Variants in IGSF8 observed in about 807,000 individuals in gnomAD.
IGSF8 encodes immunoglobulin superfamily member 8, also known as CD81 partner 3.
Under a neutral mutation model 55.5 loss-of-function variants are expected in IGSF8, and 46 were observed. That is an observed-to-expected ratio of 0.83 (90% CI 0.65 to 1.06). IGSF8 has a LOEUF of 1.06. IGSF8 is among the 50% of genes least tolerant of loss of function. IGSF8 has a pLI of 0.00. For synonymous variants in IGSF8, 314 were observed against 356.1 expected (o/e 0.88, Z 1.33); for missense variants, 731 against 832.3 (o/e 0.88, Z 1.50).
Position 160,092,463 on chromosome 1 carries a change from G to T in IGSF8, c.1545C>A (p.Gly515=), listed in dbSNP as rs999799896. ...GCCCCACCAGCTCTACGCTGACAGG[G>T]CCTCCTCCAGGCCGGACTCCCAGCT... ...VAELGVRPGG[G]PVSVELVGPR... Residue 515 remains glycine, a synonymous_variant, in exon 5 of 7, where the codon GGC becomes GGA. Coordinates refer to ENST00000314485, the MANE Select transcript of IGSF8 (RefSeq NM_052868.6). The T allele has an allele frequency of 4.3e-6, 7 of 1,613,028 alleles. No individual in the cohort carries two copies. Among genetic ancestry groups the T allele is most frequent in the African/African-American group, 1.3e-5 (1 of 74,932 alleles).
Position 160,095,311 on chromosome 1 carries a change from A to AAGC in IGSF8, c.65-68_65-66dup, listed in dbSNP as rs1650356908. Reference sequence around the variant, plus strand: ...CTCATTCCATGCCCTCTGCCGCCACAAGCACCATTCTTGATCTCTGCCTAC... The same window carrying AAGC: ...CTCATTCCATGCCCTCTGCCGCCACAAGCAGCACCATTCTTGATCTCTGCCTAC... On this transcript the variant is annotated intron_variant, in intron 1 of 6. Coordinates refer to ENST00000314485, the MANE Select transcript of IGSF8 (RefSeq NM_052868.6). The AAGC allele has an allele frequency of 2.4e-5, 35 of 1,478,788 alleles. No homozygotes were observed. In the South Asian group the frequency reaches 4.5e-4, roughly 19 times the overall value. 91.6% of individuals were successfully genotyped at this position (1,478,788 alleles called of 1,614,324 possible).
chr1:160,094,238 T>G lies in IGSF8; in HGVS notation c.443-67A>C. ...AGCCCTTGTTACTGTTTCCTGTGTA[T>G]AGCCTATCTCCCTAAATAAACTGTG... On this transcript the variant is annotated intron_variant, in intron 2 of 6. Coordinates refer to ENST00000314485, the MANE Select transcript of IGSF8 (RefSeq NM_052868.6). The surrounding 1 kb of genome is among the most constrained non-coding windows in gnomAD (Gnocchi z 4.0). 2.0e-6 allele frequency: 2 copies of G among 981,230 alleles called. No homozygotes were observed. The highest frequency in any genetic ancestry group is 3.0e-6 in the Non-Finnish European group (2 of 666,832). 60.8% of individuals were successfully genotyped at this position (981,230 alleles called of 1,614,324 possible). A position where few individuals can be genotyped will look rare whatever the true frequency, so the allele number is the denominator to read the frequency against.
At position 160,093,967 on chromosome 1, in the gene IGSF8, A is replaced by G. The variant is rs754965081; in HGVS notation, c.647T>C (p.Leu216Pro). The G allele has an allele frequency of 3.7e-6, 6 of 1,614,148 alleles. No individual in the cohort carries two copies. Among genetic ancestry groups the G allele is most frequent in the Non-Finnish European group, 5.1e-6 (6 of 1,180,052 alleles). Reference sequence around the variant, plus strand: ...TGACCGGATTCCCACCACTTCCTGCAGAGTTGACCGCCCAACTGGTGCCTC... The same window carrying G: ...TGACCGGATTCCCACCACTTCCTGCGGAGTTGACCGCCCAACTGGTGCCTC... ...VPEAPVGRSTLQEVVGIRSDL... is the reference protein window; with the variant it reads ...VPEAPVGRSTPQEVVGIRSDL... Residue 216 changes from leucine (L) to proline (P), a missense_variant, in exon 3 of 7, where the codon CTG becomes CCG. Transcript: ENST00000314485.
chr1:160,098,372 C>T lies in IGSF8; in HGVS notation c.64+37G>A, dbSNP rs200735683. ...GGGTGCTGGATGGCAGGCACCTGCC[C>T]GGCAGGGCCGGGAACCGGAACGGGG... On this transcript the variant is annotated intron_variant, in intron 1 of 6. Coordinates refer to ENST00000314485, the MANE Select transcript of IGSF8 (RefSeq NM_052868.6). 3.2e-4 allele frequency: 503 copies of T among 1,552,042 alleles called. No homozygotes were observed. In the African/African-American group the frequency reaches 5.8e-3, roughly 18 times the overall value.
chr1:160,092,223 G>A (rs1650011059), intron 5 of IGSF8, 59 bp downstream of exon 5: 25 of 1,523,414 alleles, frequency 1.6e-5, no homozygotes, highest in Non-Finnish European at 2.3e-5. Flanking sequence ...GGAAGGGAAG[G>A]CCAGTGGCAG....
At chr1:160,092,004 C>T (rs758807899) in intron 5 of IGSF8, 66 bp from the exon 6 acceptor site, 54 of 1,149,894 alleles carry the variant, frequency 4.7e-5, no homozygotes, top group Middle Eastern at 4.1e-4. Flanking sequence ...CTTGCCTCTG[C>T]GCTTTCCCCA....
Position 160,098,534 on chromosome 1 carries a change from G to C in IGSF8, c.-62C>G. 8.1e-7 allele frequency: 1 copy of C among 1,230,328 alleles called. No homozygotes were observed. Among genetic ancestry groups the C allele is most frequent in the Non-Finnish European group, 1.1e-6 (1 of 887,200 alleles). 76.2% of individuals were successfully genotyped at this position (1,230,328 alleles called of 1,614,324 possible). ...GCGCGGGTTCTGGGGGGCCGGAAGGGTGGGGGGCGCATGCCCAGGTTGAGG... is the reference window on the plus strand; with the variant it reads ...GCGCGGGTTCTGGGGGGCCGGAAGGCTGGGGGGCGCATGCCCAGGTTGAGG... On this transcript the variant is annotated 5_prime_UTR_variant, in exon 1 of 7. Coordinates refer to ENST00000314485, the MANE Select transcript of IGSF8 (RefSeq NM_052868.6).
chr1:160,099,377 G>A (rs771575306), upstream of IGSF8, among the ~76,000 whole-genome samples: 5 of 152,222 alleles, frequency 3.3e-5, no homozygotes, highest in Non-Finnish European at 5.9e-5. Flanking sequence ...GAATGCGAAG[G>A]GTTTGAGCTG....
At position 160,093,863 on chromosome 1, in the gene IGSF8, C is replaced by T. The variant is rs373796213; in HGVS notation, c.751G>A (p.Asp251Asn). The T allele has an allele frequency of 2.6e-5, 42 of 1,614,090 alleles. No homozygotes were observed. Among genetic ancestry groups the T allele is most frequent in the Middle Eastern group, 3.3e-4 (2 of 6,084 alleles). ...CCCCCTACTACCATGCGGTACCGAT[C>T]GGTCCCTTCCTTGCCCAGACGAAGC... ...GELRLGKEGTDRYRMVVGGAQ... is the reference protein window; with the variant it reads ...GELRLGKEGTNRYRMVVGGAQ... The change falls in exon 3 of 7, where the codon GAT becomes AAT. Residue 251 changes from aspartate to asparagine, a missense_variant. Physicochemically the swap from Asp to Asn is conservative, Grantham distance 23. Coordinates refer to ENST00000314485, the MANE Select transcript of IGSF8 (RefSeq NM_052868.6).
chr1:160,091,586 A>G lies in IGSF8; in HGVS notation c.*38T>C, dbSNP rs1317673230. 9.7e-6 allele frequency: 5 copies of G among 515,318 alleles called. No homozygotes were observed. Among genetic ancestry groups the G allele is most frequent in the African/African-American group, 1.9e-5 (1 of 51,582 alleles). The allele number at this position is 515,318 out of a possible 1,614,324, so 31.9% of individuals were successfully genotyped here. ...AGAGGAGGGCTTGGAGCTGGGCCGG[A>G]AGACAGTCGACACCTGCAAGACCTG... On this transcript the variant is annotated 3_prime_UTR_variant, in exon 7 of 7. Coordinates refer to ENST00000314485, the MANE Select transcript of IGSF8 (RefSeq NM_052868.6).
At chr1:160,099,171 C>T (rs1387511308), upstream of IGSF8, among the ~76,000 whole-genome samples, 3 of 151,868 alleles carry the variant, frequency 2.0e-5, no homozygotes, top group African/African-American at 7.3e-5. Context: ...CTCTGCGCAT[C>T]GAAATTCCCA....
In IGSF8 at chr1:160,095,253, G is replaced by A; in HGVS notation, c.65-7C>T. On this transcript the variant is annotated splice_polypyrimidine_tract_variant and splice_region_variant and intron_variant, in intron 1 of 6. Coordinates refer to ENST00000314485, the MANE Select transcript of IGSF8 (RefSeq NM_052868.6). ...CGGGCCCAGCATCCCATTCCTGTAG[G>A]GAAAGGCAGAAGGAGTTGGAGATGC... 6.3e-7 allele frequency: 1 copy of A among 1,596,430 alleles called. No homozygotes were observed. Among genetic ancestry groups the A allele is most frequent in the East Asian group, 2.2e-5 (1 of 44,750 alleles).
At chr1:160,097,200 C>T (rs1039900192) in intron 1 of IGSF8, among the ~76,000 whole-genome samples, 1 of 152,194 alleles carries the variant, frequency 6.6e-6, no homozygotes, top group African/African-American at 2.4e-5. Flanking sequence ...CAGACCTCTG[C>T]GTGCTCCTTT....
intron 1 of IGSF8, among the ~76,000 whole-genome samples, chr1:160,096,140 C>G (rs1016615653): frequency 3.3e-5 from 5 of 152,122 alleles, no homozygotes; most frequent in African/African-American, 1.2e-4. Context: ...CCTACTCCAC[C>G]CCTATGCCCA....
chr1:160,091,785 G>T (rs974779897), intron 6 of IGSF8, 23 bp downstream of exon 6: 2 of 1,474,880 alleles, frequency 1.4e-6, no homozygotes, highest in Non-Finnish European at 1.9e-6. Context: ...TGAAAACAAG[G>T]TTGGGGGGTT....
At chr1:160,099,349 C>T (rs151040999), upstream of IGSF8, among the ~76,000 whole-genome samples, 21 of 152,270 alleles carry the variant, frequency 1.4e-4, no homozygotes, top group South Asian at 4.1e-3. Context: ...TAGGGGTTGG[C>T]GGAAGCCAGG....
chr1:160,093,256 T>C lies in IGSF8; in HGVS notation c.980A>G (p.Asn327Ser), dbSNP rs1650137410. 2 of 1,613,820 alleles carry C rather than the reference T, an allele frequency of 1.2e-6. No homozygotes were observed. Among genetic ancestry groups the C allele is most frequent in the African/African-American group, 1.3e-5 (1 of 75,030 alleles). Residue 327 changes from asparagine (N) to serine (S), a missense_variant, in exon 4 of 7, where the codon AAT (asparagine) becomes AGT (serine). Transcript: ENST00000314485. Reference sequence around the variant, plus strand: ...TGCTGGGGGAAGTGCCCCTGACACATTGCACAGCAGTTCCAAGGGCTCCCC... The same window carrying C: ...TGCTGGGGGAAGTGCCCCTGACACACTGCACAGCAGTTCCAAGGGCTCCCC... ...GPGEPLELLC[N>S]VSGALPPAGR...
rs563778907 is a variant in IGSF8 at position 160,098,394 on chromosome 1, G to C, written c.64+15C>G. ...GCCCGGCAGGGCCGGGAACCGGAAC[G>C]GGGGCCTGGCTTACCTAGCATTAGC... On this transcript the variant is annotated intron_variant, in intron 1 of 6. Transcript: ENST00000314485. The C allele has an allele frequency of 8.4e-6, 13 of 1,552,328 alleles. No homozygotes were observed. Among genetic ancestry groups the C allele is most frequent in the Admixed American group, 5.9e-5 (3 of 50,806 alleles).
chr1:160,095,441 A>G, intron 1 of IGSF8, 195 bp from the exon 2 acceptor site: 1 of 633,550 alleles, frequency 1.6e-6, no homozygotes, highest in Non-Finnish European at 2.7e-6. Flanking sequence ...AGGAGGTGGC[A>G]TGGGCCCAGG....
Sources: allele counts gnomAD v4.1 joint callset (sites outside exome capture counted in the v4.1 genomes callset), GRCh38; gene constraint gnomAD v4.1.1; non-coding constraint Gnocchi (gnomAD v3.1); transcripts MANE v1.5; gene names NCBI Gene and HGNC (gene_info 2026-07-23, HGNC 2026-07-21).